CDC20B: variants seen among roughly 807,000 people sequenced by gnomAD.
CDC20B encodes the protein cell division cycle 20B.
In CDC20B, 58 loss-of-function variants were observed where a neutral mutation model predicts 64.1. The observed-to-expected ratio is 0.90, with a 90% CI of 0.73 to 1.13. CDC20B has a LOEUF of 1.13. Ranked by LOEUF, CDC20B falls within the 50% of genes most tolerant of loss-of-function variation. The pLI is 0.00. For missense variants in CDC20B, 597 were observed against 633.0 expected, an observed-to-expected ratio of 0.94 and a Z score of 0.61; for synonymous variants, 243 against 230.6, an observed-to-expected ratio of 1.05 and a Z score of -0.49.
In CDC20B at chr5:55,119,782, T is replaced by C; in HGVS notation, c.1459+19A>G. ...ACTTTGCTATAGGTGCATGGCATTT[T>C]ACTCACCCATTTGCTTACCAAAAAA... On this transcript the variant is annotated intron_variant, in intron 11 of 11. Coordinates refer to ENST00000381375, the MANE Select transcript of CDC20B (RefSeq NM_001170402.1). 1 of 1,454,826 alleles carries C rather than the reference T, an allele frequency of 6.9e-7. No homozygotes were observed. The highest frequency in any genetic ancestry group is 9.7e-7 in the Non-Finnish European group (1 of 1,035,032). The allele number at this position is 1,454,826 out of a possible 1,614,324, so 90.1% of individuals were successfully genotyped here. A position where few individuals can be genotyped will look rare whatever the true frequency, so the allele number is the denominator to read the frequency against.
intron 2 of CDC20B, among the ~76,000 whole-genome samples, chr5:55,149,754 G>A (rs1248914855): frequency 6.6e-6 from 1 of 152,178 alleles, no homozygotes; most frequent in Non-Finnish European, 1.5e-5. Flanking sequence ...TTTCTTTTGA[G>A]GTGATGAAAA....
intron 3 of CDC20B, among the ~76,000 whole-genome samples, chr5:55,145,343 C>T (rs1743441210): frequency 6.6e-6 from 1 of 152,220 alleles, no homozygotes; most frequent in Admixed American, 6.5e-5. Flanking sequence ...TGCAGAACTG[C>T]AATGCATCAT....
intron 5 of CDC20B, among the ~76,000 whole-genome samples, chr5:55,133,824 A>C (rs1430331236): frequency 1.3e-5 from 2 of 152,222 alleles, no homozygotes; most frequent in Non-Finnish European, 2.9e-5. Context: ...GAGATACTAC[A>C]TCATGCTTTG....
intron 2 of CDC20B, among the ~76,000 whole-genome samples, chr5:55,168,625 A>T (rs1318515914): frequency 2.0e-5 from 3 of 152,006 alleles, no homozygotes; most frequent in African/African-American, 7.3e-5. Flanking sequence ...ACAACTTTAA[A>T]TGTCTTCTGT....
Position 55,114,256 on chromosome 5 carries a change from C to T in CDC20B, c.1522G>A (p.Ala508Thr). Residue 508 changes from alanine to threonine, a missense_variant, in exon 12 of 12, where the codon GCA becomes ACA. Ala to Thr is a moderately conservative substitution (Grantham distance 58). Transcript: ENST00000381375. This position sits in a 1 kb window ranked among gnomAD's most constrained non-coding sequence, Gnocchi z 4.1. ...SPDQTRVFSA[A>T]ADGTASVWNC... is the part of the protein sequence containing the mutation. ...CATACAGAGGCCGTCCCATCAGCTG[C>T]AGCAGAAAACACCCGGGTCTGGTCT... is the stretch of plus-strand genomic sequence containing the variant. 1 of 1,613,902 alleles carries T rather than the reference C, an allele frequency of 6.2e-7. No homozygotes were observed.
At chr5:55,157,840 C>A (rs74561680) in intron 2 of CDC20B, among the ~76,000 whole-genome samples, 4,271 of 152,238 alleles carry the variant, frequency 0.028, 100 homozygotes, top group Middle Eastern at 0.085. Flanking sequence ...AACATCCCTG[C>A]CAAAGATAAA....
chr5:55,161,955 G>A (rs903904127), intron 2 of CDC20B, among the ~76,000 whole-genome samples: 3 of 152,094 alleles, frequency 2.0e-5, no homozygotes, highest in African/African-American at 7.2e-5. Context: ...CTCTGTGCCT[G>A]TTTCTCATTT....
intron 2 of CDC20B, among the ~76,000 whole-genome samples, chr5:55,161,787 A>G (rs1744079862): frequency 6.6e-6 from 1 of 152,182 alleles, no homozygotes; most frequent in South Asian, 2.1e-4. Context: ...GTGTTAGGCT[A>G]TTTCTCCAAT....
Position 55,173,004 on chromosome 5 carries a change from C to T in CDC20B, c.-4G>A. On this transcript the variant is annotated 5_prime_UTR_variant, in exon 1 of 12. Coordinates refer to ENST00000381375, the MANE Select transcript of CDC20B (RefSeq NM_001170402.1). The stretch of plus-strand genomic sequence containing the variant: ...TGCGCTCCAGTTTCCACTCCATCTC[C>T]GGCTGACTTCGCCCTGCCTGGCGTT... 1 of 1,609,840 alleles carries T rather than the reference C, an allele frequency of 6.2e-7. No individual in the cohort carries two copies. The highest frequency in any genetic ancestry group is 8.5e-7 in the Non-Finnish European group (1 of 1,178,242).
intron 6 of CDC20B, among the ~76,000 whole-genome samples, chr5:55,131,950 C>T (rs1282896906): frequency 2.0e-5 from 3 of 151,926 alleles, no homozygotes; most frequent in South Asian, 2.1e-4. Flanking sequence ...TGTAGCTACA[C>T]GCCCAGCTAC....
At chr5:55,155,953 G>T (rs527974762) in intron 2 of CDC20B, among the ~76,000 whole-genome samples, 13 of 152,234 alleles carry the variant, frequency 8.5e-5, no homozygotes, top group South Asian at 8.3e-4. Flanking sequence ...GCCTCCTCAC[G>T]AATGAAACCC....
At chr5:55,128,398 G>T in intron 7 of CDC20B, 23 bp downstream of exon 7, 1 of 1,263,566 alleles carries the variant, frequency 7.9e-7, no homozygotes, top group African/African-American at 1.5e-5. Context: ...AACATGATGA[G>T]AAAAAAAAAA....
intron 2 of CDC20B, chr5:55,170,807 A>T: frequency 2.2e-6 from 1 of 454,810 alleles, no homozygotes; most frequent in East Asian, 6.5e-5. Flanking sequence ...ATAGTGGCAG[A>T]ACTCTAATCT....
At chr5:55,157,947 T>C (rs1331665627) in intron 2 of CDC20B, among the ~76,000 whole-genome samples, 3 of 152,190 alleles carry the variant, frequency 2.0e-5, no homozygotes, top group African/African-American at 7.2e-5. Context: ...AAAATGCATG[T>C]TCCTAAGCCA....
rs1207843230 is a variant in CDC20B, at chr5:55,119,989, C to T, written c.1342-71G>A. Reference sequence around the variant, plus strand: ...CTTATGAATATAGTTAAACTGGTTACAGGCAGTATGCACTGTCCATGACCC... The same window carrying T: ...CTTATGAATATAGTTAAACTGGTTATAGGCAGTATGCACTGTCCATGACCC... On this transcript the variant is annotated intron_variant, in intron 10 of 11. Transcript: ENST00000381375. The T allele has an allele frequency of 1.1e-5, 12 of 1,127,282 alleles. No individual in the cohort carries two copies. In the Admixed American group the frequency reaches 1.7e-4, roughly 16 times the overall value. 69.8% of individuals were successfully genotyped at this position (1,127,282 alleles called of 1,614,324 possible).
In CDC20B at chr5:55,116,194, A is replaced by C. The variant is rs184329117; in HGVS notation, c.1460-1876T>G. Among the ~76,000 whole-genome samples the C allele has an allele frequency of 1.1e-4, 16 of 152,340 alleles. No individual in the cohort carries two copies. The East Asian group carries it at 3.1e-3, about 29-fold the overall frequency. On this transcript the variant is annotated intron_variant, in intron 11 of 11. Coordinates refer to ENST00000381375, the MANE Select transcript of CDC20B (RefSeq NM_001170402.1). ...GAAGACCACTGTCTATTATTTAAAA[A>C]ATAATAAACCATATAAATGAAAAGC...
rs1442745239 is a variant in CDC20B at position 55,113,159 on chromosome 5, C to G, written c.*1059G>C. 1 of 152,152 alleles carries G rather than the reference C, an allele frequency of 6.6e-6. No homozygotes were observed. Among genetic ancestry groups the G allele is most frequent in the African/African-American group, 2.4e-5 (1 of 41,414 alleles). The allele number at this position is 152,152 out of a possible 1,614,324, so 9.4% of individuals were successfully genotyped here. Reference sequence around the variant, plus strand: ...GCAAGAATTCAGATTAGAAGAAAAGCTCCAATAAGGCAAGAAATCACAAGA... The same window carrying G: ...GCAAGAATTCAGATTAGAAGAAAAGGTCCAATAAGGCAAGAAATCACAAGA... On this transcript the variant is annotated 3_prime_UTR_variant, in exon 12 of 12. Transcript: ENST00000381375.
chr5:55,120,522 C>T lies in CDC20B; in HGVS notation c.1244G>A (p.Gly415Glu). 6.2e-7 allele frequency: 1 copy of T among 1,613,640 alleles called. No individual in the cohort carries two copies. Among genetic ancestry groups the T allele is most frequent in the Non-Finnish European group, 8.5e-7 (1 of 1,179,742 alleles). Residue 415 changes from glycine (G) to glutamate (E), a missense_variant, in exon 10 of 12, where the codon GGG (glycine) becomes GAG (glutamate). Gly to Glu is a moderately conservative substitution (Grantham distance 98, BLOSUM62 -2). Around this residue, in one of 3 missense-constraint regions of CDC20B, gnomAD observed 353 missense variants for 397.0 expected, o/e 0.89. Coordinates refer to ENST00000381375, the MANE Select transcript of CDC20B (RefSeq NM_001170402.1). ...CATTCCTCCTCCAATGGCAAGGACC[C>T]CAGACTGCCAGGGACACCAATCCAT... The part of the protein sequence containing the change: ...KAMDWCPWQS[G>E]VLAIGGGMKD...
intron 2 of CDC20B, among the ~76,000 whole-genome samples, chr5:55,150,285 C>G (rs973639287): frequency 3.9e-5 from 6 of 152,018 alleles, no homozygotes; most frequent in Non-Finnish European, 8.8e-5. Context: ...AAAACAGGGA[C>G]TATAAAAGAG....
Sources: allele counts gnomAD v4.1 joint callset (sites outside exome capture counted in the v4.1 genomes callset), GRCh38; gene constraint gnomAD v4.1.1; regional missense constraint gnomAD v4.1.1; non-coding constraint Gnocchi (gnomAD v3.1); transcripts MANE v1.5; gene names NCBI Gene and HGNC (gene_info 2026-07-23, HGNC 2026-07-21).